The following LUZP2 variants were observed in gnomAD, a reference collection of about 807,000 sequenced individuals.
The protein encoded by LUZP2 is leucine zipper protein 2.
In LUZP2, 52 loss-of-function variants were observed where a neutral mutation model predicts 51.6. The ratio of observed to expected loss-of-function variants is 1.01; its 90% CI spans 0.81 to 1.27. LUZP2 has a LOEUF of 1.27. LUZP2 is among the 50% of genes most tolerant of loss of function. LUZP2 has a pLI of 0.00. For synonymous variants in LUZP2, 154 were observed against 137.3 expected, an observed-to-expected ratio of 1.12 and a Z score of -0.85; for missense variants, 436 against 395.4, an observed-to-expected ratio of 1.10 and a Z score of -0.87.
chr11:24,607,704 G>A (rs568859757), intron 1 of LUZP2, among the ~76,000 whole-genome samples: 3 of 152,022 alleles, frequency 2.0e-5, no homozygotes, highest in African/African-American at 7.2e-5. Context: ...GGATCGCATT[G>A]GATCTGTTGG....
At chr11:24,833,249 C>T (rs1006166283) in intron 5 of LUZP2, among the ~76,000 whole-genome samples, 3 of 152,114 alleles carry the variant, frequency 2.0e-5, no homozygotes, top group African/African-American at 7.2e-5. Context: ...TGATTTCTAT[C>T]TCTGTAACAA....
Position 24,894,190 on chromosome 11 carries a change from T to TG in LUZP2, c.397-11801_397-11800insG, listed in dbSNP as rs1423521837. Among the ~76,000 whole-genome samples, 63 of 151,806 alleles carry TG rather than the reference T, an allele frequency of 4.2e-4. No homozygotes were observed. The South Asian group carries it at 4.2e-3, about 10-fold the overall frequency. ...AAAGTAATTCATTTTTTTTTTTTTTTTGTGATGGAGTTTCATTCTTGTTAC... is the reference window on the plus strand; with the variant it reads ...AAAGTAATTCATTTTTTTTTTTTTTTGTGTGATGGAGTTTCATTCTTGTTAC... On this transcript the variant is annotated intron_variant, in intron 5 of 11. Transcript: ENST00000336930.
At chr11:24,765,604 A>G (rs1174888867) in intron 5 of LUZP2, among the ~76,000 whole-genome samples, 5 of 111,874 alleles carry the variant, frequency 4.5e-5, no homozygotes, top group Admixed American at 8.7e-5. Context: ...GCAACACAAT[A>G]ATTTTTTCCT....
intron 1 of LUZP2, among the ~76,000 whole-genome samples, chr11:24,577,146 G>GA (rs35425901): frequency 0.39 from 59,033 of 150,310 alleles, 11,752 homozygotes; most frequent in Middle Eastern, 0.52. Flanking sequence ...TTGTTTATCT[G>GA]AAAAAAAAAT....
chr11:24,638,119 T>G (rs1855166085), intron 1 of LUZP2, among the ~76,000 whole-genome samples: 1 of 151,832 alleles, frequency 6.6e-6, no homozygotes, highest in African/African-American at 2.4e-5. Flanking sequence ...GGTTCCCTGA[T>G]ATAAAATCAT....
intron 5 of LUZP2, among the ~76,000 whole-genome samples, chr11:24,858,141 A>G (rs530018217): frequency 9.2e-5 from 14 of 152,166 alleles, no homozygotes; most frequent in Non-Finnish European, 1.3e-4. Flanking sequence ...CTGTGTCTAA[A>G]GTAGTTTCAG....
In LUZP2 at chr11:24,927,976, T is replaced by A. The variant is rs146046083; in HGVS notation, c.522+13438T>A. Among the ~76,000 whole-genome samples, 1,469 of 152,024 alleles carry A rather than the reference T, an allele frequency of 9.7e-3. 20 individuals carry two copies. The highest frequency in any genetic ancestry group is 0.044 in the South Asian group (214 of 4,824). On this transcript the variant is annotated intron_variant, in intron 7 of 11. Coordinates refer to ENST00000336930, the MANE Select transcript of LUZP2 (RefSeq NM_001009909.4). ...ACCTCCTTGGTTAGGTATATTCCTA[T>A]GTATTTTATTTTTCTTGCAGCTATT...
intron 9 of LUZP2, among the ~76,000 whole-genome samples, chr11:24,985,978 G>C (rs1369405995): frequency 6.6e-6 from 1 of 151,706 alleles, no homozygotes; most frequent in Non-Finnish European, 1.5e-5. Context: ...ATGGTTTTGT[G>C]TGTAAGCTAA....
rs182863292 is a variant in LUZP2 at position 24,767,027 on chromosome 11, C to T, written c.396+3719C>T. On this transcript the variant is annotated intron_variant, in intron 5 of 11. Transcript: ENST00000336930. Reference sequence around the variant, plus strand: ...GATCCACCCACACCCACATCAGCCTCCTAAAGTGCTGGAATTACAGGTGTG... The same window carrying T: ...GATCCACCCACACCCACATCAGCCTTCTAAAGTGCTGGAATTACAGGTGTG... Among the ~76,000 whole-genome samples, 7 of 152,256 alleles carry T rather than the reference C, an allele frequency of 4.6e-5. No individual in the cohort carries two copies. In the East Asian group the frequency reaches 1.4e-3, roughly 29 times the overall value.
intron 4 of LUZP2, among the ~76,000 whole-genome samples, chr11:24,740,145 C>T (rs1033089282): frequency 3.3e-5 from 5 of 152,078 alleles, no homozygotes; most frequent in Non-Finnish European, 7.4e-5. Context: ...CTCTGGTTCT[C>T]ATAATAAAAC....
chr11:24,817,905 C>T (rs1235601674), intron 5 of LUZP2, among the ~76,000 whole-genome samples: 1 of 152,020 alleles, frequency 6.6e-6, no homozygotes. Context: ...TATCTTCCAG[C>T]TGATTTTTGC....
chr11:24,953,736 G>A (rs1302327413), intron 7 of LUZP2, among the ~76,000 whole-genome samples: 2 of 152,082 alleles, frequency 1.3e-5, no homozygotes, highest in South Asian at 4.1e-4. Context: ...TGGCACCTAC[G>A]TCAAACTCAT....
At chr11:24,887,018 AC>A (rs1209532060) in intron 5 of LUZP2, among the ~76,000 whole-genome samples, 2 of 152,068 alleles carry the variant, frequency 1.3e-5, no homozygotes, top group Non-Finnish European at 2.9e-5. Context: ...CTGATCTGTG[AC>A]CAGGGGTTTC....
intron 10 of LUZP2, among the ~76,000 whole-genome samples, chr11:25,055,668 G>T (rs890108872): frequency 4.1e-4 from 62 of 152,076 alleles, no homozygotes; most frequent in African/African-American, 1.4e-3. Context: ...AGTCTAGACC[G>T]ATAAATTCTG....
chr11:24,816,370 G>C (rs1021442496), intron 5 of LUZP2, among the ~76,000 whole-genome samples: 6 of 151,852 alleles, frequency 4.0e-5, no homozygotes, highest in African/African-American at 1.5e-4. Flanking sequence ...TGATAAATTA[G>C]GTGGTTAAAA....
chr11:24,575,873 A>AT lies in LUZP2; in HGVS notation c.62+78575dup, dbSNP rs148850177. On this transcript the variant is annotated intron_variant, in intron 1 of 11. Coordinates refer to ENST00000336930, the MANE Select transcript of LUZP2 (RefSeq NM_001009909.4). The stretch of plus-strand genomic sequence containing the variant: ...TTTTTATTTCCTTCTATTTTCCTCC[A>AT]TTTTTTTCTCTGTAATGTTTTTCTC... 3.3e-3 allele frequency among the ~76,000 whole-genome samples: 498 copies of AT among 151,358 alleles called. 21 individuals are homozygous for AT. The East Asian group carries it at 0.083, about 25-fold the overall frequency.
At chr11:24,587,062 T>C (rs1853092095) in intron 1 of LUZP2, among the ~76,000 whole-genome samples, 1 of 152,138 alleles carries the variant, frequency 6.6e-6, no homozygotes, top group Admixed American at 6.6e-5. Context: ...CAATTTTTAT[T>C]ATGACTACTT....
chr11:24,764,217 A>G (rs369731653), intron 5 of LUZP2, among the ~76,000 whole-genome samples: 14 of 152,200 alleles, frequency 9.2e-5, no homozygotes, highest in East Asian at 3.9e-4. Flanking sequence ...GGGCGCGTAC[A>G]CACACAATCA....
rs189026454 is a variant in LUZP2, at chr11:24,950,676, A to C, written c.523-25915A>C. Among the ~76,000 whole-genome samples the C allele has an allele frequency of 1.5e-3, 232 of 151,708 alleles. 1 individual carries two copies. Among genetic ancestry groups the C allele is most frequent in the African/African-American group, 5.4e-3 (226 of 41,504 alleles). On this transcript the variant is annotated intron_variant, in intron 7 of 11. Transcript: ENST00000336930. Reference sequence around the variant, plus strand: ...TTGCTGAAACCAAAGTTATAGCTCAAACTTCCCGATAATTACCCCAAAGAA... The same window carrying C: ...TTGCTGAAACCAAAGTTATAGCTCACACTTCCCGATAATTACCCCAAAGAA...
Sources: allele counts gnomAD v4.1 joint callset (sites outside exome capture counted in the v4.1 genomes callset), GRCh38; gene constraint gnomAD v4.1.1; transcripts MANE v1.5; gene names NCBI Gene and HGNC (gene_info 2026-07-23, HGNC 2026-07-21).